The following FBXO34 variants were observed in gnomAD, a reference collection of about 807,000 sequenced individuals.
The protein encoded by FBXO34 is F-box protein 34.
FBXO34 carries 12 observed loss-of-function variants against 24.5 expected under a neutral mutation model. The observed-to-expected ratio is 0.49, with a 90% CI of 0.31 to 0.79. The LOEUF (loss-of-function observed/expected upper bound fraction) is 0.79. Among genes scored for constraint, FBXO34 ranks in the 30% least tolerant of loss-of-function variants. The probability of loss-of-function intolerance (pLI) is 0.04; values close to 1 mark genes in which losing one functional copy is unlikely to be tolerated. For synonymous variants in FBXO34, 320 were observed against 311.9 expected, an observed-to-expected ratio of 1.03 and a Z score of -0.27; for missense variants, 823 against 857.7, an observed-to-expected ratio of 0.96 and a Z score of 0.51.
At chr14:55,417,422 A>G in the FBXO34 span, among the ~76,000 whole-genome samples, 1 of 148,820 alleles carries the variant, frequency 6.7e-6, no homozygotes, top group Non-Finnish European at 1.5e-5. Flanking sequence ...CCAATTTGTA[A>G]TACCAGGCTC....
chr14:55,436,609 G>T, the FBXO34 span: 5 of 1,614,224 alleles, frequency 3.1e-6, no homozygotes, highest in Non-Finnish European at 4.2e-6. Flanking sequence ...GGTCATTGGT[G>T]TCATGGGAGT....
the FBXO34 span, among the ~76,000 whole-genome samples, chr14:55,417,138 G>C: frequency 6.6e-6 from 1 of 152,156 alleles, no homozygotes; most frequent in African/African-American, 2.4e-5. Context: ...AGGGAAATTA[G>C]TACAATTTCT....
intron 1 of FBXO34, among the ~76,000 whole-genome samples, chr14:55,296,401 T>TTTTG (rs1882132422): frequency 7.4e-6 from 1 of 135,226 alleles, no homozygotes; most frequent in Non-Finnish European, 1.6e-5. Context: ...GTTTTTTTTT[T>TTTTG]TTTTTTTTTT....
At chr14:55,365,464 C>T (rs1433134779), downstream of FBXO34, among the ~76,000 whole-genome samples, 1 of 152,132 alleles carries the variant, frequency 6.6e-6, no homozygotes, top group Non-Finnish European at 1.5e-5. Flanking sequence ...CATTGAATTT[C>T]AAGGCTGAGG....
chr14:55,414,399 TTAGAA>T, the FBXO34 span: 1 of 1,606,346 alleles, frequency 6.2e-7, no homozygotes. Flanking sequence ...TTAAAACCTT[TTAGAA>T]TAGGATAGAT....
chr14:55,382,319 ATTTTT>A, the FBXO34 span: 1 of 737,104 alleles, frequency 1.4e-6, no homozygotes, highest in Non-Finnish European at 2.2e-6. Context: ...TTAAATTTTT[ATTTTT>A]TATTTTAGAG....
At chr14:55,356,129 C>T (rs1884519232), downstream of FBXO34, among the ~76,000 whole-genome samples, 1 of 152,224 alleles carries the variant, frequency 6.6e-6, no homozygotes, top group Non-Finnish European at 1.5e-5. Context: ...CCAATCACCG[C>T]TTCTAACTTG....
Position 55,351,650 on chromosome 14 carries a change from C to T in FBXO34, c.1260C>T (p.Thr420=), listed in dbSNP as rs1884383296. Residue 420 remains threonine (T), a synonymous_variant, in exon 2 of 2, where the codon ACC becomes ACT. Transcript: ENST00000313833. ...TTGGGTTACCTTTTTCCTCTCATAC[C>T]TATTCCCAAGCCTCTGAATTGCCCA... The part of the protein sequence containing the change: ...ELVGLPFSSH[T]YSQASELPTD... 6.2e-7 allele frequency: 1 copy of T among 1,614,156 alleles called. No homozygotes were observed.
chr14:55,379,434 C>T, the FBXO34 span, among the ~76,000 whole-genome samples: 11 of 151,850 alleles, frequency 7.2e-5, no homozygotes, highest in African/African-American at 2.4e-5. Flanking sequence ...CCCAGCAACT[C>T]GGGAGGCTGA....
At chr14:55,357,069 T>C (rs1555340399), downstream of FBXO34, among the ~76,000 whole-genome samples, 1 of 152,234 alleles carries the variant, frequency 6.6e-6, no homozygotes, top group Non-Finnish European at 1.5e-5. Flanking sequence ...TCAACTGACA[T>C]ACATGTCATT....
chr14:55,419,400 G>A, the FBXO34 span, among the ~76,000 whole-genome samples: 1 of 152,236 alleles, frequency 6.6e-6, no homozygotes, highest in Non-Finnish European at 1.5e-5. Context: ...GATCTTAGAA[G>A]TGGAAGTTGA....
intron 1 of FBXO34, among the ~76,000 whole-genome samples, chr14:55,330,787 T>C (rs1883507726): frequency 6.6e-6 from 1 of 152,082 alleles, no homozygotes; most frequent in East Asian, 1.9e-4. Context: ...GAGACCCTGG[T>C]TCAATCAATC....
chr14:55,380,664 TGTAGGCAGG>T, the FBXO34 span: 4 of 1,610,984 alleles, frequency 2.5e-6, no homozygotes, highest in African/African-American at 5.3e-5. Flanking sequence ...GCACTGATGG[TGTAGGCAGG>T]GTTACTCTGC....
At chr14:55,440,307 T>C in the FBXO34 span, 1 of 1,487,502 alleles carries the variant, frequency 6.7e-7, no homozygotes, top group Non-Finnish European at 9.2e-7. Context: ...ATGGTCGCTA[T>C]GAGTTTTAAG....
chr14:55,382,487 C>A, the FBXO34 span, among the ~76,000 whole-genome samples: 1 of 151,932 alleles, frequency 6.6e-6, no homozygotes, highest in Non-Finnish European at 1.5e-5. Context: ...ACCTGGTTAA[C>A]TTAAAAAATT....
chr14:55,365,240 A>T (rs1031142647), downstream of FBXO34, among the ~76,000 whole-genome samples: 3 of 149,748 alleles, frequency 2.0e-5, no homozygotes, highest in Non-Finnish European at 4.4e-5. Context: ...AAAAAAAAAA[A>T]AAAAACAAAA....
the FBXO34 span, among the ~76,000 whole-genome samples, chr14:55,442,969 GAAAC>G: frequency 1.3e-5 from 2 of 152,172 alleles, no homozygotes; most frequent in Non-Finnish European, 2.9e-5. Context: ...GGCCTCAAGA[GAAAC>G]CAGCCCTGCT....
At chr14:55,433,706 T>C in the FBXO34 span, 4 of 1,614,144 alleles carry the variant, frequency 2.5e-6, no homozygotes, top group Non-Finnish European at 3.4e-6. Flanking sequence ...ATCCTCATTA[T>C]GACAGCAGCA....
the FBXO34 span, among the ~76,000 whole-genome samples, chr14:55,427,082 G>C: frequency 2.0e-5 from 3 of 152,224 alleles, no homozygotes; most frequent in Non-Finnish European, 4.4e-5. Context: ...CTCGTGACTT[G>C]AGAGTCTGGA....
Sources: allele counts gnomAD v4.1 joint callset (sites outside exome capture counted in the v4.1 genomes callset), GRCh38; gene constraint gnomAD v4.1.1; transcripts MANE v1.5; gene names NCBI Gene and HGNC (gene_info 2026-07-23, HGNC 2026-07-21).